EP400: variants seen among roughly 807,000 people sequenced by gnomAD.
EP400 encodes E1A binding protein p400.
Under a neutral mutation model 354.1 loss-of-function variants are expected in EP400, and 105 were observed. The ratio of observed to expected loss-of-function variants is 0.30; its 90% CI spans 0.25 to 0.35. The LOEUF is 0.35. EP400 is among the 10% of genes least tolerant of loss of function. EP400 has a pLI of 1.00. For missense variants in EP400, 3,280 were observed against 4,121.0 expected (o/e 0.80, Z 5.59); for synonymous variants, 1,646 against 1,716.9 (o/e 0.96, Z 1.02).
intron 45 of EP400, among the ~76,000 whole-genome samples, chr12:132,059,418 G>A (rs1247587353): frequency 2.0e-5 from 3 of 151,944 alleles, no homozygotes; most frequent in Admixed American, 6.6e-5. Context: ...AGCTCAAGTC[G>A]ATATTACCTT....
chr12:132,008,768 T>C (rs1893668718), intron 15 of EP400, among the ~76,000 whole-genome samples: 1 of 150,980 alleles, frequency 6.6e-6, no homozygotes, highest in Admixed American at 6.6e-5. Flanking sequence ...CAGACGCTTG[T>C]CACTATGCCT....
rs778038864 is a variant in EP400 at position 131,982,382 on chromosome 12, C to G, written c.1833C>G (p.Leu611=). Reference sequence around the variant, plus strand: ...TCCCTGCACCGCCCAGCAGCCAACTCCCCATCCCTCCCTCGCAGCCTGCAC... The same window carrying G: ...TCCCTGCACCGCCCAGCAGCCAACTGCCCATCCCTCCCTCGCAGCCTGCAC... ...VPIPAPPSSQ[L]PIPPSQPAQL... The change falls in exon 5 of 53, where the codon CTC becomes CTG. Residue 611 remains leucine (L), a synonymous_variant. Transcript: ENST00000389561. 1 of 1,614,206 alleles carries G rather than the reference C, an allele frequency of 6.2e-7. No homozygotes were observed. Among genetic ancestry groups the G allele is most frequent in the East Asian group, 2.2e-5 (1 of 44,870 alleles).
chr12:132,021,233 C>T lies in EP400; in HGVS notation c.4602C>T (p.Pro1534=). The T allele has an allele frequency of 1.3e-6, 2 of 1,570,222 alleles. No individual in the cohort carries two copies. The highest frequency in any genetic ancestry group is 1.7e-6 in the Non-Finnish European group (2 of 1,165,112). ...CCTCCACCCCAGGCCAGCCCCCGCC[C>T]CAGCCCCAGGCCCCCTCGCACGCGG... The part of the protein sequence containing the change: ...AQASTPGQPP[P]QPQAPSHAAG... The change falls in exon 23 of 53, where the codon CCC becomes CCT. Residue 1534 remains proline, a synonymous_variant. Transcript: ENST00000389561.
intron 45 of EP400, among the ~76,000 whole-genome samples, chr12:132,056,651 G>A (rs140469842): frequency 8.5e-5 from 13 of 152,298 alleles, no homozygotes; most frequent in South Asian, 4.1e-4. Flanking sequence ...CAAAACAGTA[G>A]CATTTCTAGG....
rs112368551 is a variant in EP400 at position 131,979,801 on chromosome 12, G to T, written c.1435+8G>T. 2 of 1,596,512 alleles carry T rather than the reference G, an allele frequency of 1.3e-6. No individual in the cohort carries two copies. The highest frequency in any genetic ancestry group is 4.6e-5 in the East Asian group (2 of 43,566). ...CCTCCACAGGTATGGCAGGTACGTCGGCACGGCTAGCGTGGCCTCGGGAAT... is the reference window on the plus strand; with the variant it reads ...CCTCCACAGGTATGGCAGGTACGTCTGCACGGCTAGCGTGGCCTCGGGAAT... On this transcript the variant is annotated splice_region_variant and intron_variant, in intron 3 of 52. Coordinates refer to ENST00000389561, the MANE Select transcript of EP400 (RefSeq NM_015409.5).
rs1017544252 is a variant in EP400, at chr12:132,030,120, G to A, written c.5716G>A (p.Val1906Ile). Residue 1906 changes from valine to isoleucine, a missense_variant, in exon 29 of 53, where the codon GTA becomes ATA. By Grantham distance (29) the Val-to-Ile change is conservative. Coordinates refer to ENST00000389561, the MANE Select transcript of EP400 (RefSeq NM_015409.5). ...CTTGAACTTCCATTACCTCACCTAT[G>A]TAAGAATCGATGAAAATGCCAGCAG... is the stretch of plus-strand genomic sequence containing the variant. ...MFLNFHYLTY[V>I]RIDENASSEQ... The A allele has an allele frequency of 2.5e-6, 4 of 1,614,078 alleles. No individual in the cohort carries two copies. The highest frequency in any genetic ancestry group is 3.4e-6 in the Non-Finnish European group (4 of 1,180,032).
chr12:131,980,752 A>T (rs371997066), intron 3 of EP400, among the ~76,000 whole-genome samples: 24 of 152,142 alleles, frequency 1.6e-4, no homozygotes, highest in African/African-American at 4.6e-4. Flanking sequence ...TTGTGGTCCC[A>T]CTATGTTGCC....
rs1374122587 is a variant in EP400, at chr12:131,960,822, C to G, written c.203C>G (p.Thr68Ser). Residue 68 changes from threonine to serine, a missense_variant, in exon 2 of 53, where the codon ACC becomes AGC. Physicochemically the swap from Thr to Ser is moderately conservative, Grantham distance 58 (BLOSUM62 1). Around this residue, in one of 20 missense-constraint regions of EP400, gnomAD observed 172 missense variants for 242.9 expected, o/e 0.71. Transcript: ENST00000389561. Reference protein sequence around the residue: ...IQQLMNRSPATGQNVNITLQS... With the variant: ...IQQLMNRSPASGQNVNITLQS... ...CAGCTGATGAATAGGAGCCCTGCAA[C>G]CGGGCAGAACGTGAACATCACCCTG... 2 of 1,613,690 alleles carry G rather than the reference C, an allele frequency of 1.2e-6. No homozygotes were observed. The highest frequency in any genetic ancestry group is 8.5e-7 in the Non-Finnish European group (1 of 1,179,998).
intron 16 of EP400, 82 bp downstream of exon 16, chr12:132,011,716 A>G (rs1454730610): frequency 2.1e-6 from 3 of 1,438,952 alleles, no homozygotes; most frequent in African/African-American, 1.4e-5. Context: ...AAATGTGAAG[A>G]CATGCTTATT....
intron 47 of EP400, among the ~76,000 whole-genome samples, chr12:132,063,113 G>A (rs989865082): frequency 5.3e-5 from 8 of 152,212 alleles, no homozygotes; most frequent in South Asian, 2.1e-4. Context: ...TGTGGTTCAC[G>A]TGCGGTACTG....
intron 12 of EP400, among the ~76,000 whole-genome samples, chr12:132,003,214 C>T (rs1893476615): frequency 6.7e-6 from 1 of 148,980 alleles, no homozygotes. Context: ...AAACAGCCAA[C>T]CAAAAAAACC....
chr12:132,045,585 A>G, intron 38 of EP400, 25 bp downstream of exon 38: 1 of 1,612,512 alleles, frequency 6.2e-7, no homozygotes, highest in Non-Finnish European at 8.5e-7. Context: ...TCTTTGTGCC[A>G]GCGGTCATGT....
chr12:131,960,874 A>G lies in EP400; in HGVS notation c.255A>G (p.Gly85=). 2.5e-6 allele frequency: 4 copies of G among 1,613,956 alleles called. No individual in the cohort carries two copies. Among genetic ancestry groups the G allele is most frequent in the Non-Finnish European group, 3.4e-6 (4 of 1,180,018 alleles). The stretch of plus-strand genomic sequence containing the variant: ...AGAGCGTGGGCCCTGTCGTCGGGGG[A>G]AACCAGCAGATCACACTGGCCCCAC... ...TLQSVGPVVG[G]NQQITLAPLP... is the part of the protein sequence containing the mutation. The change falls in exon 2 of 53, where the codon GGA becomes GGG. Residue 85 remains glycine (G), a synonymous_variant. Transcript: ENST00000389561.
At chr12:132,047,889 G>A (rs981698498) in intron 39 of EP400, among the ~76,000 whole-genome samples, 3 of 151,338 alleles carry the variant, frequency 2.0e-5, no homozygotes, top group African/African-American at 7.3e-5. Flanking sequence ...CATTTCAGAG[G>A]CCTACCCTCA....
At chr12:131,956,568 A>G (rs897638874) in intron 1 of EP400, among the ~76,000 whole-genome samples, 2 of 152,118 alleles carry the variant, frequency 1.3e-5, no homozygotes, top group Non-Finnish European at 2.9e-5. Flanking sequence ...TTACTAGGCC[A>G]AAGGTTTTGG....
Position 131,986,597 on chromosome 12 carries a change from G to T in EP400, c.2013G>T (p.Ala671=), listed in dbSNP as rs758712120. ...PLPTSSTSSL[A]PVSGSGPGPS... ...CCACCTCTTCTACCTCGTCCCTCGC[G>T]CCTGTGAGTGGCTCCGGCCCAGGAC... is the stretch of plus-strand genomic sequence containing the variant. Residue 671 remains alanine, a synonymous_variant, in exon 6 of 53, where the codon GCG becomes GCT. Transcript: ENST00000389561. The T allele has an allele frequency of 1.2e-6, 2 of 1,613,788 alleles. No homozygotes were observed.
intron 19 of EP400, among the ~76,000 whole-genome samples, chr12:132,016,440 C>G (rs1413401580): frequency 6.6e-6 from 1 of 152,154 alleles, no homozygotes; most frequent in Non-Finnish European, 1.5e-5. Context: ...ACGATCTGGG[C>G]TCACTGCAAC....
chr12:131,961,045 G>A lies in EP400; in HGVS notation c.426G>A (p.Gly142=), dbSNP rs762485473. 7 of 1,580,352 alleles carry A rather than the reference G, an allele frequency of 4.4e-6. No homozygotes were observed. The South Asian group carries it at 8.0e-5, about 18-fold the overall frequency. ...AGAGTCCCACGCAGCCCAGTCCGGG[G>A]CCGGGGCAGGCCTTGCAGAATGTGC... ...QTQSPTQPSP[G]PGQALQNVRA... is the part of the protein sequence containing the mutation. Residue 142 remains glycine (G), a synonymous_variant, in exon 2 of 53, where the codon GGG becomes GGA. Coordinates refer to ENST00000389561, the MANE Select transcript of EP400 (RefSeq NM_015409.5).
chr12:131,981,175 A>G (rs1892668302), intron 3 of EP400, among the ~76,000 whole-genome samples: 1 of 152,090 alleles, frequency 6.6e-6, no homozygotes, highest in Admixed American at 6.5e-5. Flanking sequence ...TCGTCCGTGT[A>G]CTTGTGATGC....
Sources: gnomAD v4.1 joint callset for allele counts (sites outside exome capture counted in the v4.1 genomes callset) on GRCh38, gnomAD v4.1.1 for gene constraint, gnomAD v4.1.1 regional missense constraint, MANE v1.5 for transcripts, NCBI Gene and HGNC (gene_info 2026-07-23, HGNC 2026-07-21) for gene names.